PRKCA: variants seen among roughly 807,000 people sequenced by gnomAD.
The protein encoded by PRKCA is protein kinase C alpha type.
Under a neutral mutation model 87.0 loss-of-function variants are expected in PRKCA, and 27 were observed. The observed-to-expected ratio is 0.31, with a 90% CI of 0.23 to 0.43. PRKCA has a LOEUF of 0.43. Ranked by LOEUF, PRKCA falls within the 20% of genes least tolerant of loss-of-function variation. The probability of loss-of-function intolerance (pLI) is 1.00; values close to 1 mark genes in which losing one functional copy is unlikely to be tolerated. For synonymous variants in PRKCA, 329 were observed against 311.1 expected, an observed-to-expected ratio of 1.06 and a Z score of -0.61; for missense variants, 518 against 852.3, an observed-to-expected ratio of 0.61 and a Z score of 4.88.
chr17:66,693,980 C>G (rs1404985096), intron 8 of PRKCA, among the ~76,000 whole-genome samples: 1 of 152,082 alleles, frequency 6.6e-6, no homozygotes, highest in Non-Finnish European at 1.5e-5. Context: ...CATTGGCATG[C>G]TTAACTATAA....
At position 66,786,924 on chromosome 17, in the gene PRKCA, G is replaced by A. The variant is rs1041174047; in HGVS notation, c.1663G>A (p.Val555Ile). The A allele has an allele frequency of 6.2e-7, 1 of 1,614,084 alleles. No homozygotes were observed. Among genetic ancestry groups the A allele is most frequent in the East Asian group, 2.2e-5 (1 of 44,876 alleles). The change falls in exon 15 of 17, where the codon GTT (valine) becomes ATT (isoleucine). Residue 555 changes from valine (V) to isoleucine (I), a missense_variant. Val to Ile is a conservative substitution (Grantham distance 29). Coordinates refer to ENST00000413366, the MANE Select transcript of PRKCA (RefSeq NM_002737.3). Reference sequence around the variant, plus strand: ...ATTTCAGTCTATCATGGAGCACAACGTTTCCTATCCAAAATCCTTGTCCAA... The same window carrying A: ...ATTTCAGTCTATCATGGAGCACAACATTTCCTATCCAAAATCCTTGTCCAA... ...ELFQSIMEHN[V>I]SYPKSLSKEA...
At chr17:66,336,654 CATTTGCCTATATAGT>C (rs1567777774) in intron 2 of PRKCA, among the ~76,000 whole-genome samples, 8 of 131,882 alleles carry the variant, frequency 6.1e-5, no homozygotes, top group African/African-American at 3.2e-4. Context: ...AATTATTAAA[CATTTGCCTATATAGT>C]AAATTATTAA....
At chr17:66,494,519 G>A (rs1435064084) in intron 2 of PRKCA, among the ~76,000 whole-genome samples, 1 of 152,160 alleles carries the variant, frequency 6.6e-6, no homozygotes, top group East Asian at 1.9e-4. Context: ...TGAGGGCAAA[G>A]CCCTCATGGT....
chr17:66,786,347 A>C (rs76746888), intron 14 of PRKCA, among the ~76,000 whole-genome samples: 1 of 152,192 alleles, frequency 6.6e-6, no homozygotes, highest in Non-Finnish European at 1.5e-5. Flanking sequence ...GCTGCTGTGC[A>C]GCTGGAAGGC....
chr17:66,740,460 T>A (rs183046175), intron 11 of PRKCA, among the ~76,000 whole-genome samples: 1 of 152,304 alleles, frequency 6.6e-6, no homozygotes, highest in East Asian at 1.9e-4. Context: ...GGATTCTGGC[T>A]GCTGTGCCAT....
Position 66,778,271 on chromosome 17 carries a change from C to T in PRKCA, c.1605+4204C>T, listed in dbSNP as rs953732666. On this transcript the variant is annotated intron_variant, in intron 14 of 16. Coordinates refer to ENST00000413366, the MANE Select transcript of PRKCA (RefSeq NM_002737.3). ...GCTCACACCTGTAATCCCAGCACTT[C>T]GGGAGGCCGAGGCGGGCGGATCACG... is the stretch of plus-strand genomic sequence containing the variant. The T allele has an allele frequency of 1.4e-4, 129 of 929,810 alleles. 1 individual carries two copies. In the South Asian group the frequency reaches 4.9e-3, roughly 35 times the overall value. The allele number at this position is 929,810 out of a possible 1,614,324, so 57.6% of individuals were successfully genotyped here.
chr17:66,309,791 A>G (rs747900416), intron 2 of PRKCA, among the ~76,000 whole-genome samples: 50 of 151,902 alleles, frequency 3.3e-4, no homozygotes, highest in Middle Eastern at 3.2e-3. Context: ...GTCCTTGCCC[A>G]CTTTTTTTTT....
At chr17:66,424,862 G>A (rs1161337849) in intron 2 of PRKCA, among the ~76,000 whole-genome samples, 2 of 150,510 alleles carry the variant, frequency 1.3e-5, no homozygotes, top group South Asian at 2.1e-4. Flanking sequence ...CGATTCTCCC[G>A]CCTCAGCCTC....
At chr17:66,486,939 A>G (rs1453738384) in intron 2 of PRKCA, among the ~76,000 whole-genome samples, 1 of 152,230 alleles carries the variant, frequency 6.6e-6, no homozygotes, top group African/African-American at 2.4e-5. Flanking sequence ...ATGCACCCCC[A>G]AAATATGTAC....
chr17:66,440,815 C>T (rs1294742764), intron 2 of PRKCA, among the ~76,000 whole-genome samples: 1 of 151,970 alleles, frequency 6.6e-6, no homozygotes, highest in African/African-American at 2.4e-5. Flanking sequence ...TGCTTGAGCC[C>T]AGGAGTTTGA....
chr17:66,649,062 C>A (rs1462919583), intron 5 of PRKCA, among the ~76,000 whole-genome samples: 4 of 149,252 alleles, frequency 2.7e-5, no homozygotes, highest in Non-Finnish European at 4.4e-5. Context: ...TGTGCCACTG[C>A]GTTCCAGCCT....
In PRKCA at chr17:66,658,193, A is replaced by C. The variant is rs1374169731; in HGVS notation, c.529+12682A>C. 3.3e-5 allele frequency among the ~76,000 whole-genome samples: 5 copies of C among 152,180 alleles called. No homozygotes were observed. The East Asian group carries it at 9.7e-4, about 29-fold the overall frequency. ...GGAAAGCCCCTTATAAAACCATCAGATCTCAGCCGGGCACAGTGGCTCATG... is the reference window on the plus strand; with the variant it reads ...GGAAAGCCCCTTATAAAACCATCAGCTCTCAGCCGGGCACAGTGGCTCATG... On this transcript the variant is annotated intron_variant, in intron 5 of 16. Transcript: ENST00000413366.
chr17:66,765,440 ATATATATATATATATC>A (rs1974785968), intron 13 of PRKCA, among the ~76,000 whole-genome samples: 1 of 136,162 alleles, frequency 7.3e-6, no homozygotes, highest in Non-Finnish European at 1.6e-5. Context: ...ATATATATAT[ATATATATATATATATC>A]CATATATATA....
At chr17:66,414,056 A>T (rs1479939932) in intron 2 of PRKCA, among the ~76,000 whole-genome samples, 1 of 151,982 alleles carries the variant, frequency 6.6e-6, no homozygotes, top group African/African-American at 2.4e-5. Flanking sequence ...AAAGATGCAT[A>T]TAAATAGATA....
chr17:66,519,865 T>C (rs996090373), intron 3 of PRKCA, among the ~76,000 whole-genome samples: 1 of 152,178 alleles, frequency 6.6e-6, no homozygotes, highest in Non-Finnish European at 1.5e-5. Context: ...CCCTAGACTA[T>C]GTTTCTGGGG....
At chr17:66,771,356 C>T (rs1246349617) in intron 13 of PRKCA, among the ~76,000 whole-genome samples, 1 of 152,146 alleles carries the variant, frequency 6.6e-6, no homozygotes, top group African/African-American at 2.4e-5. Flanking sequence ...TTTATTTTGA[C>T]CCACCAATTC....
chr17:66,781,868 G>GAGATATATATATATATATAT (rs1491546533), intron 14 of PRKCA, among the ~76,000 whole-genome samples: 1 of 99,322 alleles, frequency 1.0e-5, no homozygotes, highest in African/African-American at 3.8e-5. Context: ...GAGAGAGAGA[G>GAGATATATATATATATATAT]ATATATATAT....
chr17:66,370,162 C>G (rs976035737), intron 2 of PRKCA, among the ~76,000 whole-genome samples: 7 of 152,024 alleles, frequency 4.6e-5, no homozygotes, highest in African/African-American at 1.4e-4. Context: ...TCCACATCCC[C>G]TCAACCTCCA....
In PRKCA at chr17:66,336,614, GA is replaced by G. The variant is rs971635796; in HGVS notation, c.205+30488del. 4.6e-5 allele frequency among the ~76,000 whole-genome samples: 7 copies of G among 152,128 alleles called. No individual in the cohort carries two copies. In the South Asian group the frequency reaches 6.2e-4, roughly 14 times the overall value. On this transcript the variant is annotated intron_variant, in intron 2 of 16. Transcript: ENST00000413366. ...TTAAGTTTTTTTGGTGGTGGTGGGG[GA>G]GTAATTTAAAAGTACCTGTTATATA... is the stretch of plus-strand genomic sequence containing the variant.
Sources: gnomAD v4.1 joint callset for allele counts (sites outside exome capture counted in the v4.1 genomes callset) on GRCh38, gnomAD v4.1.1 for gene constraint, MANE v1.5 for transcripts, NCBI Gene and HGNC (gene_info 2026-07-23, HGNC 2026-07-21) for gene names.